The following RIMS2 variants were observed in gnomAD, a reference collection of about 807,000 sequenced individuals.
RIMS2 encodes the protein regulating synaptic membrane exocytosis 2.
A neutral mutation model predicts 174.4 loss-of-function variants in RIMS2; 59 were observed. The ratio of observed to expected loss-of-function variants is 0.34; its 90% CI spans 0.27 to 0.42. The LOEUF (loss-of-function observed/expected upper bound fraction) is 0.42. Among genes scored for constraint, RIMS2 ranks in the 10% least tolerant of loss-of-function variants. The pLI is 1.00. For missense variants in RIMS2, 1,620 were observed against 1,666.3 expected (o/e 0.97, Z 0.48); for synonymous variants, 606 against 572.5 (o/e 1.06, Z -0.84).
At chr8:104,075,739 G>A (rs1003037879) in intron 19 of RIMS2, among the ~76,000 whole-genome samples, 3 of 152,116 alleles carry the variant, frequency 2.0e-5, no homozygotes, top group African/African-American at 7.2e-5. Context: ...TGCTGATATG[G>A]GAGCATAAGA....
intron 17 of RIMS2, among the ~76,000 whole-genome samples, chr8:103,994,606 G>T (rs1427425427): frequency 6.6e-6 from 1 of 152,096 alleles, no homozygotes; most frequent in Non-Finnish European, 1.5e-5. Flanking sequence ...ATGTTTTAAG[G>T]TTGTACCAAG....
intron 1 of RIMS2, among the ~76,000 whole-genome samples, chr8:103,576,765 A>G (rs548220065): frequency 6.6e-6 from 1 of 152,322 alleles, no homozygotes; most frequent in Admixed American, 6.5e-5. Flanking sequence ...CTCAGAAATA[A>G]CATCACACTT....
chr8:104,060,967 G>T (rs1432498850), intron 19 of RIMS2, among the ~76,000 whole-genome samples: 3 of 152,068 alleles, frequency 2.0e-5, no homozygotes, highest in Non-Finnish European at 4.4e-5. Context: ...TTTTACATTT[G>T]CTGAGGAGAG....
intron 19 of RIMS2, among the ~76,000 whole-genome samples, chr8:104,230,343 C>T (rs2099218856): frequency 6.6e-6 from 1 of 150,992 alleles, no homozygotes; most frequent in East Asian, 1.9e-4. Context: ...TTTATTTTAG[C>T]AACTTAAAAA....
intron 3 of RIMS2, among the ~76,000 whole-genome samples, chr8:103,788,057 T>C (rs1030750291): frequency 6.6e-6 from 1 of 151,034 alleles, no homozygotes; most frequent in African/African-American, 2.4e-5. Flanking sequence ...TTCCAGTTGA[T>C]CGCATTGGCT....
chr8:103,682,035 C>T (rs1326878423), intron 1 of RIMS2, among the ~76,000 whole-genome samples: 1 of 151,896 alleles, frequency 6.6e-6, no homozygotes, highest in Non-Finnish European at 1.5e-5. Context: ...GATTTCAGGC[C>T]TGTATAATTG....
intron 3 of RIMS2, among the ~76,000 whole-genome samples, chr8:103,876,907 T>C (rs183593640): frequency 0.16 from 7,845 of 47,708 alleles, 616 homozygotes; most frequent in Non-Finnish European, 0.22. Flanking sequence ...TATATATATA[T>C]ATACACACAC....
intron 1 of RIMS2, among the ~76,000 whole-genome samples, chr8:103,520,831 T>C (rs1374895255): frequency 6.6e-6 from 1 of 152,056 alleles, no homozygotes; most frequent in Non-Finnish European, 1.5e-5. Context: ...TTTCAAATAG[T>C]TTCATCTGGA....
intron 14 of RIMS2, among the ~76,000 whole-genome samples, chr8:103,947,546 T>C (rs1205192571): frequency 6.6e-6 from 1 of 152,202 alleles, no homozygotes; most frequent in Non-Finnish European, 1.5e-5. Context: ...AACGCAATGA[T>C]AAGTATTTGT....
chr8:103,510,133 TTGTATCC>T (rs926802851), intron 1 of RIMS2, among the ~76,000 whole-genome samples: 4 of 152,180 alleles, frequency 2.6e-5, no homozygotes, highest in African/African-American at 9.6e-5. Context: ...TGGTAGTTTC[TTGTATCC>T]TGTAACTAGG....
At chr8:103,975,480 G>C in exon 16 of RIMS2, 1 of 1,613,230 alleles carries the variant, frequency 6.2e-7, no homozygotes, top group South Asian at 1.1e-5. Context: ...CTAGATCATG[G>C]TCACCCAGTG....
chr8:103,705,210 T>C (rs2097210443), intron 2 of RIMS2, among the ~76,000 whole-genome samples: 1 of 152,096 alleles, frequency 6.6e-6, no homozygotes, highest in South Asian at 2.1e-4. Context: ...GACTTATTGG[T>C]TATTCACAAG....
chr8:103,861,845 T>C (rs78073480), intron 3 of RIMS2, among the ~76,000 whole-genome samples: 1,738 of 152,126 alleles, frequency 0.011, 23 homozygotes, highest in South Asian at 0.049. Flanking sequence ...TTTCTCTAGT[T>C]GAGGTATTTG....
chr8:103,824,345 A>T (rs1199741439), intron 3 of RIMS2, among the ~76,000 whole-genome samples: 1 of 152,166 alleles, frequency 6.6e-6, no homozygotes, highest in East Asian at 1.9e-4. Context: ...TAGTAAAATG[A>T]ATTCATTTCA....
At chr8:103,766,200 T>G (rs759469376) in intron 2 of RIMS2, 27 bp from the exon 6 acceptor site, 1 of 1,516,416 alleles carries the variant, frequency 6.6e-7, no homozygotes, top group Admixed American at 2.1e-5. Context: ...GAACACTAAT[T>G]TTTTCCCCCT....
intron 1 of RIMS2, among the ~76,000 whole-genome samples, chr8:103,635,618 C>A (rs971178843): frequency 2.0e-5 from 3 of 152,214 alleles, no homozygotes; most frequent in Admixed American, 1.3e-4. Context: ...GAGGTACTGA[C>A]CCCTTATTGT....
intron 4 of RIMS2, among the ~76,000 whole-genome samples, chr8:103,888,817 C>T (rs1157829781): frequency 6.6e-6 from 1 of 151,368 alleles, no homozygotes; most frequent in Middle Eastern, 3.2e-3. Context: ...TATTCCAAAA[C>T]TTGAACTTCT....
chr8:103,910,114 C>CTT (rs1238207800), intron 4 of RIMS2: 1 of 1,555,800 alleles, frequency 6.4e-7, no homozygotes, highest in Non-Finnish European at 8.8e-7. Flanking sequence ...TTACTGCACT[C>CTT]TTTTGTCTGA....
chr8:104,101,095 TA>T (rs1566397589), intron 19 of RIMS2, among the ~76,000 whole-genome samples: 2 of 132,848 alleles, frequency 1.5e-5, no homozygotes, highest in African/African-American at 5.7e-5. Context: ...ATGTAATATA[TA>T]ATATTGCATA....
Sources: gnomAD v4.1 joint callset for allele counts (sites outside exome capture counted in the v4.1 genomes callset) on GRCh38, gnomAD v4.1.1 for gene constraint, MANE v1.5 for transcripts, NCBI Gene and HGNC (gene_info 2026-07-23, HGNC 2026-07-21) for gene names.